Variants in RGS7 observed in about 807,000 individuals in gnomAD.
RGS7 encodes the protein regulator of G protein signaling 7.
In RGS7, 27 loss-of-function variants were observed where a neutral mutation model predicts 81.1. The ratio of observed to expected loss-of-function variants is 0.33; its 90% confidence interval spans 0.25 to 0.46. RGS7 has a LOEUF of 0.46. Among genes scored for constraint, RGS7 ranks in the 20% least tolerant of loss-of-function variants. The probability of loss-of-function intolerance (pLI) is 1.00; values close to 1 mark genes in which losing one functional copy is unlikely to be tolerated. For synonymous variants in RGS7, 208 were observed against 207.7 expected, an observed-to-expected ratio of 1.00 and a Z score of -0.01; for missense variants, 396 against 607.4, an observed-to-expected ratio of 0.65 and a Z score of 3.66.
At chr1:241,005,166 C>T (rs2058618465) in intron 3 of RGS7, among the ~76,000 whole-genome samples, 2 of 152,152 alleles carry the variant, frequency 1.3e-5, no homozygotes, top group Non-Finnish European at 2.9e-5. Context: ...CAATCTTTCA[C>T]CATGGTTCAA....
intron 2 of RGS7, among the ~76,000 whole-genome samples, chr1:241,321,843 T>C (rs1451530442): frequency 2.0e-5 from 3 of 152,164 alleles, no homozygotes; most frequent in Non-Finnish European, 4.4e-5. Flanking sequence ...TCTCACTCAT[T>C]AGTTGTGGAA....
At chr1:240,982,131 C>T (rs926120065) in intron 4 of RGS7, among the ~76,000 whole-genome samples, 1 of 152,006 alleles carries the variant, frequency 6.6e-6, no homozygotes, top group Non-Finnish European at 1.5e-5. Flanking sequence ...AAAAAAGCCA[C>T]TAAATGTAGC....
At chr1:241,219,719 A>G (rs2074783341) in intron 2 of RGS7, among the ~76,000 whole-genome samples, 1 of 152,206 alleles carries the variant, frequency 6.6e-6, no homozygotes, top group African/African-American at 2.4e-5. Context: ...GAAAGATAAG[A>G]TCAAATTTTC....
chr1:241,259,372 T>G (rs1249888709), intron 2 of RGS7, among the ~76,000 whole-genome samples: 1 of 151,922 alleles, frequency 6.6e-6, no homozygotes, highest in Admixed American at 6.6e-5. Flanking sequence ...TATGTATTAC[T>G]GGCCAGGCGC....
At chr1:240,958,465 C>T (rs1374785558) in intron 4 of RGS7, among the ~76,000 whole-genome samples, 1 of 152,198 alleles carries the variant, frequency 6.6e-6, no homozygotes, top group African/African-American at 2.4e-5. Flanking sequence ...TGTCAGTGTG[C>T]TTGAAAATAA....
At chr1:241,253,566 T>C (rs1325467884) in intron 2 of RGS7, among the ~76,000 whole-genome samples, 1 of 152,118 alleles carries the variant, frequency 6.6e-6, no homozygotes, top group Non-Finnish European at 1.5e-5. Context: ...AACGATGAAA[T>C]AGCTCTCCCT....
chr1:241,168,537 A>G (rs1173043740), intron 2 of RGS7, among the ~76,000 whole-genome samples: 3 of 152,034 alleles, frequency 2.0e-5, no homozygotes, highest in African/African-American at 7.3e-5. Flanking sequence ...CCTGCTTTCA[A>G]CAAGAGAATA....
chr1:241,248,387 C>CATACATACATATGTATATATAT (rs2076661502), intron 2 of RGS7, among the ~76,000 whole-genome samples: 1 of 146,842 alleles, frequency 6.8e-6, no homozygotes, highest in Admixed American at 6.8e-5. Flanking sequence ...TGTATATATA[C>CATACATACATATGTATATATAT]ATACATACAT....
chr1:241,070,311 C>A (rs1186718391), intron 3 of RGS7, among the ~76,000 whole-genome samples: 1 of 118,038 alleles, frequency 8.5e-6, no homozygotes, highest in Non-Finnish European at 1.7e-5. Flanking sequence ...TTCTCCACAG[C>A]TGAGGAGAAA....
At chr1:241,084,802 G>C (rs949327749) in intron 3 of RGS7, among the ~76,000 whole-genome samples, 2 of 152,176 alleles carry the variant, frequency 1.3e-5, no homozygotes, top group African/African-American at 4.8e-5. Flanking sequence ...AAAAATACAA[G>C]ACAGAAACAG....
At chr1:241,053,895 C>T (rs2061365553) in intron 3 of RGS7, among the ~76,000 whole-genome samples, 1 of 152,190 alleles carries the variant, frequency 6.6e-6, no homozygotes, top group Non-Finnish European at 1.5e-5. Context: ...ATGTCTTTCA[C>T]CTTCTGCCGT....
intron 2 of RGS7, among the ~76,000 whole-genome samples, chr1:241,308,891 T>A (rs2080334238): frequency 6.6e-6 from 1 of 152,188 alleles, no homozygotes. Flanking sequence ...AACTCACTTC[T>A]TAGCACATCA....
intron 2 of RGS7, among the ~76,000 whole-genome samples, chr1:241,301,231 T>C (rs2079735024): frequency 6.6e-6 from 1 of 152,204 alleles, no homozygotes; most frequent in Non-Finnish European, 1.5e-5. Flanking sequence ...TCATAGCAAA[T>C]ACATGCTAGA....
intron 2 of RGS7, among the ~76,000 whole-genome samples, chr1:241,208,981 G>A (rs1302301140): frequency 2.6e-5 from 4 of 152,212 alleles, no homozygotes; most frequent in African/African-American, 7.2e-5. Flanking sequence ...TGCTCCAGTG[G>A]AGGCAAGGAC....
intron 2 of RGS7, among the ~76,000 whole-genome samples, chr1:241,354,227 G>A (rs1308202225): frequency 6.6e-6 from 1 of 151,900 alleles, no homozygotes; most frequent in African/African-American, 2.4e-5. Context: ...TGAAACCACC[G>A]AACTCCCCCC....
chr1:240,971,650 A>G (rs1369262936), intron 4 of RGS7, among the ~76,000 whole-genome samples: 1 of 152,184 alleles, frequency 6.6e-6, no homozygotes, highest in African/African-American at 2.4e-5. Context: ...GGTAATATCT[A>G]TTATCTTGAA....
chr1:241,121,550 T>C (rs1409494403), intron 2 of RGS7, among the ~76,000 whole-genome samples: 1 of 152,010 alleles, frequency 6.6e-6, no homozygotes, highest in Non-Finnish European at 1.5e-5. Flanking sequence ...TCCAGGATAA[T>C]ATGTCTGGGA....
At chr1:241,095,339 G>A (rs2064174205) in intron 3 of RGS7, among the ~76,000 whole-genome samples, 2 of 152,128 alleles carry the variant, frequency 1.3e-5, no homozygotes, top group Non-Finnish European at 1.5e-5. Context: ...GGGATACATA[G>A]TGATGTTTTG....
chr1:241,230,601 T>C (rs994330169), intron 2 of RGS7, among the ~76,000 whole-genome samples: 3 of 152,260 alleles, frequency 2.0e-5, no homozygotes, highest in Non-Finnish European at 4.4e-5. Context: ...CTCACAGTTC[T>C]GTGCTCTGAG....
Sources: gnomAD v4.1 joint callset for allele counts (sites outside exome capture counted in the v4.1 genomes callset) on GRCh38, gnomAD v4.1.1 for gene constraint, MANE v1.5 for transcripts, NCBI Gene and HGNC (gene_info 2026-07-23, HGNC 2026-07-21) for gene names.